ETV5: variants seen among roughly 807,000 people sequenced by gnomAD.
ETV5 encodes the protein ETS translocation variant 5.
In ETV5, 10 loss-of-function variants were observed where a neutral mutation model predicts 70.0. The observed-to-expected ratio is 0.14, with a 90% CI of 0.09 to 0.24. The LOEUF (loss-of-function observed/expected upper bound fraction) is 0.24. ETV5 is among the 10% of genes least tolerant of loss of function. The pLI is 1.00. For missense variants in ETV5, 453 were observed against 651.2 expected (o/e 0.70, Z 3.31); for synonymous variants, 216 against 242.2 (o/e 0.89, Z 1.01).
At chr3:186,050,766 C>G (rs775256097) in intron 12 of ETV5, among the ~76,000 whole-genome samples, 1 of 151,992 alleles carries the variant, frequency 6.6e-6, no homozygotes, top group Non-Finnish European at 1.5e-5. Flanking sequence ...TAAGACACAG[C>G]GAGAAGAGCA....
chr3:186,098,776 T>C (rs1714375443), intron 5 of ETV5, among the ~76,000 whole-genome samples: 2 of 152,220 alleles, frequency 1.3e-5, no homozygotes, highest in South Asian at 2.1e-4. Context: ...ATCCAGGAGA[T>C]AAATTTTAGC....
chr3:186,107,857 C>T (rs1714628644), intron 1 of ETV5, among the ~76,000 whole-genome samples: 1 of 152,126 alleles, frequency 6.6e-6, no homozygotes, highest in Non-Finnish European at 1.5e-5. Context: ...GACACACTTC[C>T]ACCCAATTCT....
At position 186,048,115 on chromosome 3, in the gene ETV5, A is replaced by G. The variant is rs979377726; in HGVS notation, c.*524T>C. On this transcript the variant is annotated 3_prime_UTR_variant, in exon 13 of 13. Coordinates refer to ENST00000306376, the MANE Select transcript of ETV5 (RefSeq NM_004454.3). ...CCCCTTTTTCTAGACAAGGGGTAAT[A>G]TTTCAGATTCAGCTAGAAGAGCTTT... is the stretch of plus-strand genomic sequence containing the variant. 7 of 234,470 alleles carry G rather than the reference A, an allele frequency of 3.0e-5. No individual in the cohort carries two copies. The highest frequency in any genetic ancestry group is 5.9e-5 in the Non-Finnish European group (7 of 118,730). The allele number at this position is 234,470 out of a possible 1,614,324, so 14.5% of individuals were successfully genotyped here. A position where few individuals can be genotyped will look rare whatever the true frequency, so the allele number is the denominator to read the frequency against.
chr3:186,066,218 C>A, intron 7 of ETV5, 146 bp from the exon 8 acceptor site: 15 of 232,724 alleles, frequency 6.4e-5, no homozygotes, highest in East Asian at 1.2e-4. Context: ...ACCCTCTTCC[C>A]AAAATTACAT....
intron 7 of ETV5, among the ~76,000 whole-genome samples, chr3:186,074,013 T>C (rs1203168566): frequency 6.6e-6 from 1 of 152,020 alleles, no homozygotes; most frequent in Non-Finnish European, 1.5e-5. Context: ...TAAAGTATTT[T>C]AGTGAGAGCA....
chr3:186,103,620 A>AACACACACACAC (rs10534124), intron 5 of ETV5, among the ~76,000 whole-genome samples: 1,901 of 142,888 alleles, frequency 0.013, 29 homozygotes, highest in East Asian at 0.02. Context: ...TCATCTTGCA[A>AACACACACACAC]ACACACACAC....
At chr3:186,087,455 G>A (rs569995954) in intron 5 of ETV5, among the ~76,000 whole-genome samples, 44 of 152,156 alleles carry the variant, frequency 2.9e-4, no homozygotes, top group Non-Finnish European at 5.1e-4. Flanking sequence ...CTGTACTCTT[G>A]TGATTTCTGT....
chr3:186,059,098 C>T (rs1271497792), intron 9 of ETV5, among the ~76,000 whole-genome samples: 2 of 151,170 alleles, frequency 1.3e-5, no homozygotes, highest in Non-Finnish European at 3.0e-5. Flanking sequence ...ATAATTTCAC[C>T]ATTCTTTGTT....
At chr3:186,072,193 C>A (rs1713657192) in intron 7 of ETV5, among the ~76,000 whole-genome samples, 2 of 151,686 alleles carry the variant, frequency 1.3e-5, no homozygotes, top group Admixed American at 1.3e-4. Flanking sequence ...CCAGCCTGGC[C>A]AACACGGTGA....
chr3:186,107,624 G>T (rs888675015), intron 1 of ETV5, among the ~76,000 whole-genome samples: 2 of 152,196 alleles, frequency 1.3e-5, no homozygotes, highest in African/African-American at 2.4e-5. Flanking sequence ...TGAAGGAAAG[G>T]CTCGAGTTCA....
chr3:186,105,740 C>G lies in ETV5; in HGVS notation c.46-28G>C, dbSNP rs1714571981. The G allele has an allele frequency of 6.2e-7, 1 of 1,613,830 alleles. No individual in the cohort carries two copies. Among genetic ancestry groups the G allele is most frequent in the East Asian group, 2.2e-5 (1 of 44,884 alleles). On this transcript the variant is annotated intron_variant, in intron 2 of 12. Coordinates refer to ENST00000306376, the MANE Select transcript of ETV5 (RefSeq NM_004454.3). This position sits in a 1 kb window ranked among gnomAD's most constrained non-coding sequence, Gnocchi z 4.5. ...GAAAGAGGCCAACAGAAAGTGAAGGCTCAAGTGTAGTAAAGAGGTCCACAG... is the reference window on the plus strand; with the variant it reads ...GAAAGAGGCCAACAGAAAGTGAAGGGTCAAGTGTAGTAAAGAGGTCCACAG...
At position 186,047,703 on chromosome 3, in the gene ETV5, A is replaced by T. The variant is rs375643294; in HGVS notation, c.*936T>A. On this transcript the variant is annotated 3_prime_UTR_variant, in exon 13 of 13. Transcript: ENST00000306376. ...CACATGGCCAAGGGGAAGCCTCAGC[A>T]AAGCCCCTCTCAAGCTGCAGTGTCT... The T allele has an allele frequency of 1.3e-5, 3 of 233,438 alleles. No individual in the cohort carries two copies. The highest frequency in any genetic ancestry group is 6.6e-5 in the African/African-American group (3 of 45,338). The allele number at this position is 233,438 out of a possible 1,614,324, so 14.5% of individuals were successfully genotyped here. A position where few individuals can be genotyped will look rare whatever the true frequency, so the allele number is the denominator to read the frequency against.
At chr3:186,091,160 A>G (rs1169511070) in intron 5 of ETV5, among the ~76,000 whole-genome samples, 1 of 152,234 alleles carries the variant, frequency 6.6e-6, no homozygotes, top group African/African-American at 2.4e-5. Context: ...TGTCCTGGGC[A>G]AAGTCCCACA....
chr3:186,050,297 C>T (rs749560943), intron 12 of ETV5, among the ~76,000 whole-genome samples: 8 of 152,170 alleles, frequency 5.3e-5, no homozygotes, highest in Non-Finnish European at 1.0e-4. Context: ...TCTTTGCCTA[C>T]TTATTCTCAG....
intron 5 of ETV5, among the ~76,000 whole-genome samples, chr3:186,092,509 C>T (rs1714205001): frequency 6.6e-6 from 1 of 152,152 alleles, no homozygotes; most frequent in Non-Finnish European, 1.5e-5. Flanking sequence ...TCATAGCTCA[C>T]TGTAGTCTCA....
chr3:186,084,691 C>A (rs888621478), intron 5 of ETV5, among the ~76,000 whole-genome samples: 3 of 152,064 alleles, frequency 2.0e-5, no homozygotes, highest in African/African-American at 4.8e-5. Flanking sequence ...GATCCTGAGG[C>A]CCAATGGAAC....
rs1349669235 is a variant in ETV5 at position 186,052,893 on chromosome 3, C to G, written c.1210-762G>C. Among the ~76,000 whole-genome samples, 1 of 152,100 alleles carries G rather than the reference C, an allele frequency of 6.6e-6. No individual in the cohort carries two copies. Among genetic ancestry groups the G allele is most frequent in the African/African-American group, 2.4e-5 (1 of 41,398 alleles). ...AGTAGAGTTTACCCAATTATCACGG[C>G]AGCCAAGCAATTTCTGTTCTCAAGT... On this transcript the variant is annotated intron_variant, in intron 11 of 12. Coordinates refer to ENST00000306376, the MANE Select transcript of ETV5 (RefSeq NM_004454.3). This position sits in a 1 kb window ranked among gnomAD's most constrained non-coding sequence, Gnocchi z 4.5.
intron 9 of ETV5, among the ~76,000 whole-genome samples, chr3:186,060,676 T>C (rs924624828): frequency 6.6e-6 from 1 of 152,116 alleles, no homozygotes; most frequent in African/African-American, 2.4e-5. Flanking sequence ...TTTAGAACAA[T>C]TAAAAATGCT....
intron 5 of ETV5, among the ~76,000 whole-genome samples, chr3:186,088,402 G>A (rs777528820): frequency 1.7e-4 from 26 of 152,144 alleles, no homozygotes; most frequent in Non-Finnish European, 2.9e-4. Flanking sequence ...CACTGCTCAG[G>A]GTTCCAGAGC....
Sources: allele counts gnomAD v4.1 joint callset (sites outside exome capture counted in the v4.1 genomes callset), GRCh38; gene constraint gnomAD v4.1.1; non-coding constraint Gnocchi (gnomAD v3.1); transcripts MANE v1.5; gene names NCBI Gene and HGNC (gene_info 2026-07-23, HGNC 2026-07-21).